RC3H1: variants seen among roughly 807,000 people sequenced by gnomAD.
The protein encoded by RC3H1 is ring finger and CCCH-type domains 1, also known as roquin-1.
Under a neutral mutation model 138.2 loss-of-function variants are expected in RC3H1, and 50 were observed. That is an observed-to-expected ratio of 0.36 (90% CI 0.29 to 0.46). The LOEUF (loss-of-function observed/expected upper bound fraction) is 0.46. Ranked by LOEUF, RC3H1 falls within the 20% of genes least tolerant of loss-of-function variation. RC3H1 has a pLI of 1.00. For missense variants in RC3H1, 1,031 were observed against 1,388.1 expected (o/e 0.74, Z 4.09); for synonymous variants, 462 against 489.1 (o/e 0.94, Z 0.73).
intron 1 of RC3H1, among the ~76,000 whole-genome samples, chr1:174,018,130 T>C (rs939531386): frequency 2.0e-5 from 3 of 152,166 alleles, no homozygotes; most frequent in Non-Finnish European, 2.9e-5. Flanking sequence ...TGAGCTATGA[T>C]AATGCCACTG....
Position 173,961,946 on chromosome 1 carries a change from G to A in RC3H1, c.1981C>T (p.Gln661Ter). The change falls in exon 12 of 20, where the codon CAG (glutamine) becomes TAG (stop). Residue 661 changes from glutamine (Q) to a stop codon, truncating the protein, a stop_gained. Coordinates refer to ENST00000367696, the MANE Select transcript of RC3H1 (RefSeq NM_172071.4). LOFTEE classifies it high-confidence loss of function. Reference protein sequence around the residue: ...VNSQYGTQPQQYPPIYPSHYD... With the variant: ...VNSQYGTQPQ ...TGAGATGGGTATATAGGTGGGTACT[G>A]CTGTGGCTGTGTGCCATACTGAGAG... 1 of 1,614,138 alleles carries A rather than the reference G, an allele frequency of 6.2e-7. No homozygotes were observed. Among genetic ancestry groups the A allele is most frequent in the Non-Finnish European group, 8.5e-7 (1 of 1,180,004 alleles).
intron 1 of RC3H1, among the ~76,000 whole-genome samples, chr1:173,996,961 G>A (rs1440983245): frequency 6.6e-6 from 1 of 152,002 alleles, no homozygotes; most frequent in African/African-American, 2.4e-5. Context: ...CAGGCATGGT[G>A]GTTCACGCCT....
Position 173,978,634 on chromosome 1 carries a change from A to G in RC3H1, c.970-14T>C. ...TGGAGTCTGCAACTTAAAAAAGATA[A>G]ATGTTAACTTTCCCAAAGGTCAGAT... On this transcript the variant is annotated splice_polypyrimidine_tract_variant and intron_variant, in intron 6 of 19. Transcript: ENST00000367696. 6.2e-7 allele frequency: 1 copy of G among 1,600,418 alleles called. No homozygotes were observed. Among genetic ancestry groups the G allele is most frequent in the Non-Finnish European group, 8.5e-7 (1 of 1,173,770 alleles).
chr1:173,940,827 CT>C (rs112558924), intron 19 of RC3H1, among the ~76,000 whole-genome samples: 167 of 144,520 alleles, frequency 1.2e-3, no homozygotes, highest in Non-Finnish European at 1.2e-3. Context: ...CAAAAATATT[CT>C]TTTTTTTTTT....
chr1:173,973,063 A>C (rs1660433227), intron 7 of RC3H1, among the ~76,000 whole-genome samples: 1 of 152,222 alleles, frequency 6.6e-6, no homozygotes, highest in African/African-American at 2.4e-5. Context: ...GGAAACCTGA[A>C]ACTTGAGATT....
At chr1:173,974,682 G>A (rs984520342) in intron 7 of RC3H1, among the ~76,000 whole-genome samples, 5 of 152,224 alleles carry the variant, frequency 3.3e-5, no homozygotes, top group African/African-American at 1.2e-4. Context: ...TAGGAAATGA[G>A]GTTTGAGAGA....
intron 1 of RC3H1, among the ~76,000 whole-genome samples, chr1:174,000,622 C>T (rs966189714): frequency 7.9e-5 from 12 of 152,192 alleles, no homozygotes; most frequent in Non-Finnish European, 1.8e-4. Context: ...TCCCACTATG[C>T]CCGATGAGAT....
At chr1:173,956,858 T>C (rs1659671410) in intron 13 of RC3H1, among the ~76,000 whole-genome samples, 1 of 152,132 alleles carries the variant, frequency 6.6e-6, no homozygotes, top group African/African-American at 2.4e-5. Context: ...TTCTATATCA[T>C]GTATTTCTAT....
At chr1:173,961,499 A>T (rs146654584) in intron 12 of RC3H1, among the ~76,000 whole-genome samples, 2,587 of 152,112 alleles carry the variant, frequency 0.017, 33 homozygotes, top group South Asian at 0.024. Flanking sequence ...AAACCATCTA[A>T]AGTTCAGAAA....
rs989187970 is a variant in RC3H1, at chr1:173,935,935, G to T, written c.*2786C>A. On this transcript the variant is annotated 3_prime_UTR_variant, in exon 20 of 20. Transcript: ENST00000367696. ...CATGGAGGGGTACAGCTTGAATTCA[G>T]GTTACAATTAAAGAGATTTTTTTTC... 6.6e-6 allele frequency: 1 copy of T among 152,100 alleles called. No individual in the cohort carries two copies. Among genetic ancestry groups the T allele is most frequent in the South Asian group, 2.1e-4 (1 of 4,832 alleles). The allele number at this position is 152,100 out of a possible 1,614,324, so 9.4% of individuals were successfully genotyped here. A position where few individuals can be genotyped will look rare whatever the true frequency, so the allele number is the denominator to read the frequency against.
At chr1:173,999,796 CTA>C (rs1406576997) in intron 1 of RC3H1, among the ~76,000 whole-genome samples, 2 of 152,174 alleles carry the variant, frequency 1.3e-5, no homozygotes, top group Non-Finnish European at 2.9e-5. Flanking sequence ...TTTCAGTGCT[CTA>C]TATACAGTAT....
At chr1:173,968,028 C>T (rs1660197778) in intron 9 of RC3H1, among the ~76,000 whole-genome samples, 1 of 152,080 alleles carries the variant, frequency 6.6e-6, no homozygotes, top group Admixed American at 6.5e-5. Flanking sequence ...AGTTATTTTC[C>T]ATCATTCATT....
At chr1:173,946,428 C>G (rs369507742) in intron 17 of RC3H1, 48 bp downstream of exon 17, 5 of 1,580,280 alleles carry the variant, frequency 3.2e-6, no homozygotes, top group African/African-American at 1.4e-5. Flanking sequence ...TTTAAAATCT[C>G]TGAGAACCCT....
rs1285436022 is a variant in RC3H1 at position 173,938,300 on chromosome 1, G to C, written c.*421C>G. 9 of 153,170 alleles carry C rather than the reference G, an allele frequency of 5.9e-5. No individual in the cohort carries two copies. The highest frequency in any genetic ancestry group is 2.9e-5 in the Non-Finnish European group (2 of 68,556). 9.5% of individuals were successfully genotyped at this position (153,170 alleles called of 1,614,324 possible). On this transcript the variant is annotated 3_prime_UTR_variant, in exon 20 of 20. Transcript: ENST00000367696. The stretch of plus-strand genomic sequence containing the variant: ...GTGAGAATTGATAAGGATTGGGGGT[G>C]AGGAATTATACAAATTATACACTGG...
Position 173,961,726 on chromosome 1 carries a change from C to T in RC3H1, c.2201G>A (p.Arg734Lys). The change falls in exon 12 of 20, where the codon AGA (arginine) becomes AAA (lysine). Residue 734 changes from arginine (R) to lysine (K), a missense_variant and splice_region_variant. This residue lies in a region of RC3H1 where 716 missense variants were observed against 837.9 expected (regional missense o/e 0.85). Coordinates refer to ENST00000367696, the MANE Select transcript of RC3H1 (RefSeq NM_172071.4). The part of the protein sequence containing the change: ...HPTQIRPSYL[R>K]EPPYSRLPPP... ...GTAATAAAAAAAAATACAGCATACT[C>T]TGAGGTACGAAGGTCTGATCTGAGT... is the stretch of plus-strand genomic sequence containing the variant. 1 of 1,608,744 alleles carries T rather than the reference C, an allele frequency of 6.2e-7. No individual in the cohort carries two copies. The highest frequency in any genetic ancestry group is 8.5e-7 in the Non-Finnish European group (1 of 1,177,886).
At chr1:173,974,623 T>C (rs965372669) in intron 7 of RC3H1, among the ~76,000 whole-genome samples, 6 of 151,228 alleles carry the variant, frequency 4.0e-5, no homozygotes. Flanking sequence ...GCCTGGCATG[T>C]TGCATGGAGG....
chr1:173,998,744 T>C lies in RC3H1; in HGVS notation c.-150-5609A>G, dbSNP rs182897263. 3.1e-4 allele frequency among the ~76,000 whole-genome samples: 47 copies of C among 152,304 alleles called. 1 individual carries two copies. In the East Asian group the frequency reaches 8.7e-3, roughly 28 times the overall value. On this transcript the variant is annotated intron_variant, in intron 1 of 19. Transcript: ENST00000367696. ...TTTATCACTAATATTACCATTTGAC[T>C]TTACTCAGGTTTTTTTTCTTAACAA... is the stretch of plus-strand genomic sequence containing the variant.
intron 7 of RC3H1, among the ~76,000 whole-genome samples, chr1:173,976,643 T>C (rs78138425): frequency 3.4e-4 from 51 of 152,182 alleles, no homozygotes; most frequent in Non-Finnish European, 5.6e-4. Flanking sequence ...GGTAGGTAGA[T>C]GAGAAATGGG....
chr1:173,974,696 A>G (rs1359681318), intron 7 of RC3H1, among the ~76,000 whole-genome samples: 1 of 152,158 alleles, frequency 6.6e-6, no homozygotes, highest in African/African-American at 2.4e-5. Context: ...TGAGAGAGGT[A>G]GTAGAAGACC....
Sources: allele counts gnomAD v4.1 joint callset (sites outside exome capture counted in the v4.1 genomes callset), GRCh38; gene constraint gnomAD v4.1.1; regional missense constraint gnomAD v4.1.1; transcripts MANE v1.5; gene names NCBI Gene and HGNC (gene_info 2026-07-23, HGNC 2026-07-21).